The following LAPTM4B variants were observed in gnomAD, a reference collection of about 807,000 sequenced individuals.
LAPTM4B encodes the protein lysosomal-associated transmembrane protein 4B.
LAPTM4B carries 26 observed loss-of-function variants against 28.5 expected under a neutral mutation model. The observed-to-expected ratio is 0.91, with a 90% CI of 0.67 to 1.27. The LOEUF is 1.27. Ranked by LOEUF, LAPTM4B falls within the 50% of genes most tolerant of loss-of-function variation. The pLI is 0.00. For synonymous variants in LAPTM4B, 109 were observed against 106.4 expected (o/e 1.02, Z -0.15); for missense variants, 288 against 285.8 (o/e 1.01, Z -0.06).
At chr8:97,807,842 C>G (rs1191604234) in intron 2 of LAPTM4B, among the ~76,000 whole-genome samples, 2 of 136,390 alleles carry the variant, frequency 1.5e-5, no homozygotes, top group African/African-American at 2.9e-5. Flanking sequence ...TGTTTCATAA[C>G]ATGGATTAAG....
intron 1 of LAPTM4B, among the ~76,000 whole-genome samples, chr8:97,776,372 G>A (rs1816215538): frequency 6.6e-6 from 1 of 152,218 alleles, no homozygotes; most frequent in South Asian, 2.1e-4. Context: ...AGGTGGTGTG[G>A]GTCGCCGATC....
At chr8:97,846,370 C>T (rs1018755259) in intron 6 of LAPTM4B, among the ~76,000 whole-genome samples, 1 of 150,080 alleles carries the variant, frequency 6.7e-6, no homozygotes, top group Admixed American at 6.6e-5. Context: ...CTCTTGTTGC[C>T]CAGGCTGGAG....
intron 2 of LAPTM4B, among the ~76,000 whole-genome samples, chr8:97,811,227 A>G (rs1002569797): frequency 6.6e-6 from 1 of 152,188 alleles, no homozygotes; most frequent in Non-Finnish European, 1.5e-5. Flanking sequence ...ATGGCCCTGC[A>G]TTCCACTCCT....
chr8:97,784,342 T>TA (rs2129725817), intron 1 of LAPTM4B, among the ~76,000 whole-genome samples: 1 of 152,352 alleles, frequency 6.6e-6, no homozygotes, highest in African/African-American at 2.4e-5. Flanking sequence ...AATAGTAGGC[T>TA]AAAGAGTTTG....
At chr8:97,810,876 A>T (rs1816815866) in intron 2 of LAPTM4B, among the ~76,000 whole-genome samples, 1 of 152,258 alleles carries the variant, frequency 6.6e-6, no homozygotes, top group Admixed American at 6.5e-5. Context: ...CTACTTATAT[A>T]TACAGTCACC....
At chr8:97,777,137 G>GTTTTTTTTTTTTTTTTTT (rs1176218610) in intron 1 of LAPTM4B, among the ~76,000 whole-genome samples, 2 of 83,840 alleles carry the variant, frequency 2.4e-5, no homozygotes, top group Non-Finnish European at 4.6e-5. Flanking sequence ...TTTCAGTGAG[G>GTTTTTTTTTTTTTTTTTT]TTTTTTTTTT....
chr8:97,808,070 C>G (rs944745508), intron 2 of LAPTM4B, among the ~76,000 whole-genome samples: 1 of 151,984 alleles, frequency 6.6e-6, no homozygotes, highest in African/African-American at 2.4e-5. Flanking sequence ...GTCCACCTAC[C>G]TTGGCCTCCC....
At position 97,852,703 on chromosome 8, in the gene LAPTM4B, G is replaced by A. The variant is rs867572711; in HGVS notation, c.*1229G>A. On this transcript the variant is annotated 3_prime_UTR_variant, in exon 7 of 7. Coordinates refer to ENST00000521545, the MANE Select transcript of LAPTM4B (RefSeq NM_018407.6). ...AGCCTAAGGAGTAGGCTTTTTTTTG[G>A]GGGGGGGAGGTCGGGTGGGGGGGAT... is the stretch of plus-strand genomic sequence containing the variant. 1.8e-5 allele frequency: 2 copies of A among 112,642 alleles called. No homozygotes were observed. Among genetic ancestry groups the A allele is most frequent in the Non-Finnish European group, 1.5e-5 (1 of 64,808 alleles). The allele number at this position is 112,642 out of a possible 1,614,324, so 7.0% of individuals were successfully genotyped here.
intron 6 of LAPTM4B, among the ~76,000 whole-genome samples, chr8:97,836,882 C>CG (rs1282877513): frequency 6.6e-6 from 1 of 151,694 alleles, no homozygotes; most frequent in Non-Finnish European, 1.5e-5. Context: ...GCTTGAAAAA[C>CG]GCAATTGAAG....
intron 2 of LAPTM4B, among the ~76,000 whole-genome samples, chr8:97,811,570 G>A (rs962422561): frequency 2.6e-5 from 4 of 152,300 alleles, no homozygotes; most frequent in African/African-American, 9.6e-5. Flanking sequence ...ATGAACCTGA[G>A]GAGGGCCGCC....
intron 6 of LAPTM4B, among the ~76,000 whole-genome samples, chr8:97,835,469 CAGA>C (rs1817245305): frequency 6.6e-6 from 1 of 152,200 alleles, no homozygotes; most frequent in African/African-American, 2.4e-5. Flanking sequence ...ATGCGTAACG[CAGA>C]AGGTCACAAA....
chr8:97,819,285 C>A, intron 5 of LAPTM4B, 47 bp downstream of exon 5: 2 of 1,146,302 alleles, frequency 1.7e-6, no homozygotes, highest in African/African-American at 1.5e-5. Context: ...TAAGTGTATT[C>A]CTGAATACCA....
At chr8:97,833,328 A>G (rs1817213490) in intron 6 of LAPTM4B, among the ~76,000 whole-genome samples, 1 of 152,154 alleles carries the variant, frequency 6.6e-6, no homozygotes, top group Non-Finnish European at 1.5e-5. Context: ...ATTCCAGCCC[A>G]GGAAATAGCA....
intron 1 of LAPTM4B, among the ~76,000 whole-genome samples, chr8:97,779,825 G>A (rs1198445086): frequency 6.6e-6 from 1 of 151,770 alleles, no homozygotes; most frequent in Admixed American, 6.6e-5. Context: ...AGGCCGAGGT[G>A]AGTGGATCTT....
At chr8:97,849,270 C>G (rs1817480475) in intron 6 of LAPTM4B, among the ~76,000 whole-genome samples, 1 of 152,184 alleles carries the variant, frequency 6.6e-6, no homozygotes, top group Non-Finnish European at 1.5e-5. Context: ...TGTCTGCATC[C>G]ACACATTGCT....
chr8:97,800,797 C>T (rs544193590), intron 1 of LAPTM4B, among the ~76,000 whole-genome samples: 29 of 152,040 alleles, frequency 1.9e-4, no homozygotes, highest in African/African-American at 6.8e-4. Context: ...TGCCCAGCCC[C>T]GTTGACTTCT....
At position 97,797,131 on chromosome 8, in the gene LAPTM4B, A is replaced by T. The variant is rs560550316; in HGVS notation, c.100-8222A>T. On this transcript the variant is annotated intron_variant, in intron 1 of 6. Transcript: ENST00000521545. ...ACTAGATATTAATAATAAAATTGGA[A>T]TTACAACTTTTTTTTTTTTTGAGAT... Among the ~76,000 whole-genome samples, 19 of 86,426 alleles carry T rather than the reference A, an allele frequency of 2.2e-4. 1 individual carries two copies. In the East Asian group the frequency reaches 4.4e-3, roughly 20 times the overall value. 56.7% of individuals were successfully genotyped at this position (86,426 alleles called of 152,430 possible). A position where few individuals can be genotyped will look rare whatever the true frequency, so the allele number is the denominator to read the frequency against.
intron 5 of LAPTM4B, among the ~76,000 whole-genome samples, chr8:97,823,344 G>GTTTTTTTTTTTTTTT (rs10561869): frequency 6.4e-5 from 7 of 109,216 alleles, no homozygotes; most frequent in Non-Finnish European, 1.0e-4. Context: ...ATACAATATG[G>GTTTTTTTTTTTTTTT]TTTTTTTTTT....
intron 1 of LAPTM4B, 98 bp downstream of exon 1, chr8:97,776,206 C>A (rs1378206679): frequency 3.9e-6 from 5 of 1,297,894 alleles, no homozygotes; most frequent in Non-Finnish European, 5.0e-6. Context: ...GTGCGCTCAT[C>A]CGCCTAAAGT....
Sources: gnomAD v4.1 joint callset for allele counts (sites outside exome capture counted in the v4.1 genomes callset) on GRCh38, gnomAD v4.1.1 for gene constraint, MANE v1.5 for transcripts, NCBI Gene and HGNC (gene_info 2026-07-23, HGNC 2026-07-21) for gene names.